The following NFATC2 variants were observed in gnomAD, a reference collection of about 807,000 sequenced individuals.
NFATC2 encodes the protein nuclear factor of activated T-cells, cytoplasmic 2.
A neutral mutation model predicts 87.3 loss-of-function variants in NFATC2; 22 were observed. The ratio of observed to expected loss-of-function variants is 0.25; its 90% confidence interval spans 0.18 to 0.36. The LOEUF is 0.36. Ranked by LOEUF, NFATC2 falls within the 10% of genes least tolerant of loss-of-function variation. The pLI is 1.00. For synonymous variants in NFATC2, 565 were observed against 542.2 expected, an observed-to-expected ratio of 1.04 and a Z score of -0.58; for missense variants, 1,149 against 1,259.1, an observed-to-expected ratio of 0.91 and a Z score of 1.32.
intron 9 of NFATC2, among the ~76,000 whole-genome samples, chr20:51,409,521 G>A (rs1978875538): frequency 6.6e-6 from 1 of 152,208 alleles, no homozygotes; most frequent in Non-Finnish European, 1.5e-5. Flanking sequence ...AAGAGGATGT[G>A]TTTGAAATTG....
intron 6 of NFATC2, among the ~76,000 whole-genome samples, chr20:51,445,629 T>C (rs1479893219): frequency 6.6e-6 from 1 of 152,174 alleles, no homozygotes; most frequent in African/African-American, 2.4e-5. Context: ...CTCCACACGC[T>C]TTTCTCTCTT....
chr20:51,537,926 G>C, intron 1 of NFATC2, among the ~76,000 whole-genome samples: 1 of 152,228 alleles, frequency 6.6e-6, no homozygotes, highest in South Asian at 2.1e-4. Context: ...GAAAGATAGA[G>C]TTTACAAAAA....
At position 51,388,538 on chromosome 20, in the gene NFATC2, C is replaced by A. The variant is rs1457834558; in HGVS notation, c.*2958G>T. ...AAATCAACCTATGTGTAAAAAGAGACACTTAAAAAGATTTCTGACCATTTA... is the reference window on the plus strand; with the variant it reads ...AAATCAACCTATGTGTAAAAAGAGAAACTTAAAAAGATTTCTGACCATTTA... On this transcript the variant is annotated 3_prime_UTR_variant, in exon 11 of 11. Transcript: ENST00000371564. 4.0e-5 allele frequency: 6 copies of A among 151,690 alleles called. No individual in the cohort carries two copies. Among genetic ancestry groups the A allele is most frequent in the Non-Finnish European group, 7.4e-5 (5 of 67,958 alleles). 9.4% of individuals were successfully genotyped at this position (151,690 alleles called of 1,614,324 possible). A position where few individuals can be genotyped will look rare whatever the true frequency, so the allele number is the denominator to read the frequency against.
chr20:51,551,718 A>C (rs1279641346), intron 1 of NFATC2, among the ~76,000 whole-genome samples: 23 of 12,992 alleles, frequency 1.8e-3, no homozygotes, highest in African/African-American at 4.6e-3. Flanking sequence ...TTTTAAAACA[A>C]AAATTTTGTT....
At chr20:51,544,672 G>T (rs2076874882), upstream of NFATC2, among the ~76,000 whole-genome samples, 1 of 152,104 alleles carries the variant, frequency 6.6e-6, no homozygotes. Flanking sequence ...TCTTAACCCA[G>T]ACTACACATT....
At chr20:51,487,481 G>A (rs957128717) in intron 3 of NFATC2, among the ~76,000 whole-genome samples, 10 of 152,214 alleles carry the variant, frequency 6.6e-5, no homozygotes, top group South Asian at 2.1e-4. Context: ...CATGTATCCC[G>A]GAACTTAAAA....
rs79735897 is a variant in NFATC2, at chr20:51,469,792, G to A, written c.1708+4188C>T. On this transcript the variant is annotated intron_variant, in intron 5 of 10. Coordinates refer to ENST00000371564, the MANE Select transcript of NFATC2 (RefSeq NM_012340.5). ...AGACCAGCAGGCACCAAAAGCTGGC[G>A]GGGATGGCACCGGCGGTTTCTCCCC... Among the ~76,000 whole-genome samples the A allele has an allele frequency of 3.2e-3, 494 of 152,266 alleles. 5 individuals carry two copies. The highest frequency in any genetic ancestry group is 0.011 in the African/African-American group (471 of 41,556).
chr20:51,454,252 G>C (rs570221047), intron 6 of NFATC2, among the ~76,000 whole-genome samples: 1 of 152,160 alleles, frequency 6.6e-6, no homozygotes, highest in East Asian at 1.9e-4. Context: ...ATAGCAAAAA[G>C]TTTTAAAAAT....
At chr20:51,473,158 G>C (rs919580200) in intron 5 of NFATC2, among the ~76,000 whole-genome samples, 2 of 152,076 alleles carry the variant, frequency 1.3e-5, no homozygotes, top group Non-Finnish European at 1.5e-5. Flanking sequence ...TGGTCACTTC[G>C]TATCAGACTC....
chr20:51,491,004 G>C lies in NFATC2; in HGVS notation c.1333-15344C>G, dbSNP rs146119422. Reference sequence around the variant, plus strand: ...AAGGGATGATTAAGAAAACCACCCAGGTCAGTGCCCAGACACAAGAGGTGC... The same window carrying C: ...AAGGGATGATTAAGAAAACCACCCACGTCAGTGCCCAGACACAAGAGGTGC... On this transcript the variant is annotated intron_variant, in intron 3 of 10. Transcript: ENST00000371564. 3.9e-3 allele frequency among the ~76,000 whole-genome samples: 596 copies of C among 152,216 alleles called. 1 individual carries two copies. The highest frequency in any genetic ancestry group is 6.7e-3 in the Non-Finnish European group (454 of 67,998).
At chr20:51,424,130 A>G (rs1981394840) in intron 9 of NFATC2, among the ~76,000 whole-genome samples, 1 of 152,220 alleles carries the variant, frequency 6.6e-6, no homozygotes, top group Admixed American at 6.5e-5. Flanking sequence ...AGAGGGACAG[A>G]GAACGGCTAC....
intron 1 of NFATC2, among the ~76,000 whole-genome samples, chr20:51,561,488 C>A (rs6126255): frequency 0.12 from 8,888 of 72,528 alleles, 282 homozygotes; most frequent in East Asian, 0.16. Flanking sequence ...AGAAAGAAAG[C>A]AAGCAAGCAA....
chr20:51,394,789 C>T (rs1986817396), intron 10 of NFATC2, among the ~76,000 whole-genome samples: 5 of 152,176 alleles, frequency 3.3e-5, no homozygotes, highest in Admixed American at 3.3e-4. Flanking sequence ...TTTTATTCCT[C>T]CAATAATCTA....
At chr20:51,452,851 T>A (rs117048155) in intron 6 of NFATC2, 13 of 154,660 alleles carry the variant, frequency 8.4e-5, no homozygotes, top group Non-Finnish European at 1.8e-4. Flanking sequence ...CCTTTGTGGG[T>A]AGGCACTGTC....
At chr20:51,540,780 G>T (rs1300762858) in intron 1 of NFATC2, among the ~76,000 whole-genome samples, 1 of 150,442 alleles carries the variant, frequency 6.6e-6, no homozygotes, top group Non-Finnish European at 1.5e-5. Context: ...CTTCAGATTT[G>T]GCTTGGAAAC....
At chr20:51,496,509 G>C (rs2075991379) in intron 3 of NFATC2, among the ~76,000 whole-genome samples, 1 of 151,306 alleles carries the variant, frequency 6.6e-6, no homozygotes, top group Non-Finnish European at 1.5e-5. Context: ...TTGTGACCCA[G>C]AGCCTCACTA....
upstream of NFATC2, among the ~76,000 whole-genome samples, chr20:51,546,131 A>G (rs1372708549): frequency 1.3e-5 from 2 of 152,168 alleles, no homozygotes; most frequent in Non-Finnish European, 2.9e-5. Flanking sequence ...TGCTACAAAA[A>G]TTTCAGCCTG....
intron 1 of NFATC2, among the ~76,000 whole-genome samples, chr20:51,540,647 G>GTGTTTTTTTTTTTTTTTT: frequency 8.9e-6 from 1 of 112,980 alleles, no homozygotes; most frequent in South Asian, 2.6e-4. Flanking sequence ...AAAAACTGAA[G>GTGTTTTTTTTTTTTTTTT]TTTTTTTTTT....
intron 5 of NFATC2, among the ~76,000 whole-genome samples, chr20:51,467,711 G>A (rs2146486692): frequency 6.6e-6 from 1 of 152,344 alleles, no homozygotes; most frequent in Non-Finnish European, 1.5e-5. Flanking sequence ...AAATATTGGT[G>A]AGGATGTAGA....
Sources: allele counts gnomAD v4.1 joint callset (sites outside exome capture counted in the v4.1 genomes callset), GRCh38; gene constraint gnomAD v4.1.1; transcripts MANE v1.5; gene names NCBI Gene and HGNC (gene_info 2026-07-23, HGNC 2026-07-21).